Variants in DENND2C observed in about 807,000 individuals in gnomAD.
DENND2C encodes DENN domain-containing protein 2C.
DENND2C carries 72 observed loss-of-function variants against 112.4 expected under a neutral mutation model. The ratio of observed to expected loss-of-function variants is 0.64; its 90% CI spans 0.53 to 0.78. The LOEUF (loss-of-function observed/expected upper bound fraction) is 0.78, where lower values mean the gene tolerates loss of function less well. Among genes scored for constraint, DENND2C ranks in the 30% least tolerant of loss-of-function variants. The pLI is 0.00. For missense variants in DENND2C, 992 were observed against 1,113.8 expected, an observed-to-expected ratio of 0.89 and a Z score of 1.56; for synonymous variants, 329 against 381.6, an observed-to-expected ratio of 0.86 and a Z score of 1.61.
intron 2 of DENND2C, among the ~76,000 whole-genome samples, chr1:114,647,970 G>A (rs973353581): frequency 4.3e-4 from 66 of 151,972 alleles, no homozygotes; most frequent in African/African-American, 1.6e-3. Context: ...ACCATGCGCA[G>A]CTAATTTTTG....
At chr1:114,638,107 G>A (rs1656706286) in intron 3 of DENND2C, among the ~76,000 whole-genome samples, 1 of 152,158 alleles carries the variant, frequency 6.6e-6, no homozygotes, top group Non-Finnish European at 1.5e-5. Context: ...AAAAGGATCA[G>A]CAGAAGAGCA....
Position 114,625,236 on chromosome 1 carries a change from G to C in DENND2C, c.749C>G (p.Ser250Cys). ...TTTCTTTGGTTCAGGTTCCTGAGAA[G>C]AGGCCAAAGAAGATTGTGCACAAGA... Reference protein sequence around the residue: ...NNSCAQSSLASSQEPEPKKYG... With the variant: ...NNSCAQSSLACSQEPEPKKYG... Residue 250 changes from serine to cysteine, a missense_variant, in exon 4 of 21, where the codon TCT becomes TGT. Transcript: ENST00000393274. The C allele has an allele frequency of 1.9e-6, 3 of 1,613,112 alleles. No homozygotes were observed. The highest frequency in any genetic ancestry group is 2.5e-6 in the Non-Finnish European group (3 of 1,179,772).
chr1:114,652,599 T>C (rs1445990086), intron 2 of DENND2C, among the ~76,000 whole-genome samples: 1 of 151,916 alleles, frequency 6.6e-6, no homozygotes, highest in Non-Finnish European at 1.5e-5. Flanking sequence ...TGAAGTCTCT[T>C]ATATAAAATG....
chr1:114,625,325 TA>T lies in DENND2C; in HGVS notation c.659del (p.Leu220TyrfsTer148). On this transcript the variant is annotated frameshift_variant, in exon 4 of 21. Coordinates refer to ENST00000393274, the MANE Select transcript of DENND2C (RefSeq NM_001256404.2). LOFTEE classifies it high-confidence loss of function. ...LPKPRRTFRY[L>X]SESGVTPYKE... ...TATACGGCGTAACACCAGATTCGGA[TA>T]AATATCTGAATGTCCTACGAGGTTT... 6.2e-7 allele frequency: 1 copy of T among 1,614,208 alleles called. No homozygotes were observed. The highest frequency in any genetic ancestry group is 8.5e-7 in the Non-Finnish European group (1 of 1,180,024).
chr1:114,642,238 A>G (rs1270748537), intron 3 of DENND2C, among the ~76,000 whole-genome samples: 3 of 152,208 alleles, frequency 2.0e-5, no homozygotes, highest in African/African-American at 7.2e-5. Flanking sequence ...GGTGTGAGCC[A>G]CCGCGCCCAG....
chr1:114,625,994 T>TGG lies in DENND2C; in HGVS notation c.-12_-11dup, dbSNP rs1436092674. 5.0e-6 allele frequency: 8 copies of TGG among 1,596,978 alleles called. No homozygotes were observed. The South Asian group carries it at 9.0e-5, about 18-fold the overall frequency. On this transcript the variant is annotated 5_prime_UTR_variant, in exon 4 of 21. Coordinates refer to ENST00000393274, the MANE Select transcript of DENND2C (RefSeq NM_001256404.2). The stretch of plus-strand genomic sequence containing the variant: ...AAAAACCAACATCCATGTTCCCAAC[T>TGG]GGGTGAATGACAAGTGATGAATCTT...
intron 1 of DENND2C, among the ~76,000 whole-genome samples, chr1:114,656,563 A>AT (rs1178055163): frequency 5.3e-5 from 8 of 150,620 alleles, no homozygotes; most frequent in Middle Eastern, 6.9e-3. Context: ...CGCCCAGCTC[A>AT]TTTTTTGTAT....
Position 114,611,844 on chromosome 1 carries a change from T to C in DENND2C, c.1325-727A>G, listed in dbSNP as rs375539572. On this transcript the variant is annotated intron_variant, in intron 8 of 20. Transcript: ENST00000393274. ...AGCAGCTTTTAAAATAAAACATTTC[T>C]AGATTAAGTTTGAAAAGTTAAAGCA... Among the ~76,000 whole-genome samples, 193 of 151,378 alleles carry C rather than the reference T, an allele frequency of 1.3e-3. 1 individual carries two copies. The highest frequency in any genetic ancestry group is 4.3e-3 in the African/African-American group (178 of 41,180).
At chr1:114,588,673 A>T (rs1655107408) in intron 18 of DENND2C, 1 of 152,246 alleles carries the variant, frequency 6.6e-6, no homozygotes, top group South Asian at 2.1e-4. Flanking sequence ...TCAATTAAAC[A>T]AACAATACAT....
chr1:114,585,693 A>C (rs1655021177), intron 20 of DENND2C, 62 bp from the exon 21 acceptor site: 2 of 1,548,524 alleles, frequency 1.3e-6, no homozygotes, highest in Non-Finnish European at 1.8e-6. Context: ...ACATTATTTG[A>C]GGTAAGGGAT....
At chr1:114,629,142 T>C (rs933286352) in intron 3 of DENND2C, among the ~76,000 whole-genome samples, 2 of 152,190 alleles carry the variant, frequency 1.3e-5, no homozygotes, top group African/African-American at 4.8e-5. Context: ...TTAAAAACTA[T>C]TGAAGTCAGG....
At chr1:114,652,558 ACCT>A (rs757509511) in intron 2 of DENND2C, among the ~76,000 whole-genome samples, 1 of 151,270 alleles carries the variant, frequency 6.6e-6, no homozygotes, top group Non-Finnish European at 1.5e-5. Context: ...TGGTTCCAGG[ACCT>A]CCTTCGGATA....
chr1:114,596,096 G>C (rs1655333719), intron 16 of DENND2C, among the ~76,000 whole-genome samples: 1 of 152,210 alleles, frequency 6.6e-6, no homozygotes, highest in African/African-American at 2.4e-5. Context: ...TGTGGGGCCA[G>C]GCACGGTGGC....
At chr1:114,611,259 G>T in intron 8 of DENND2C, 142 bp from the exon 9 acceptor site, 3 of 865,626 alleles carry the variant, frequency 3.5e-6, no homozygotes, top group Middle Eastern at 2.3e-4. Flanking sequence ...CCACTTGGTT[G>T]TATCAAGTTG....
chr1:114,617,671 C>T (rs61811021), intron 8 of DENND2C, among the ~76,000 whole-genome samples: 2 of 150,060 alleles, frequency 1.3e-5, no homozygotes, highest in East Asian at 3.9e-4. Context: ...AAAAAAAAAC[C>T]AGATAAATCA....
chr1:114,608,871 G>T lies in DENND2C; in HGVS notation c.1372C>A (p.Arg458Ser). ...TGCAGTTGTGCTAAGCGTTTATGGC[G>T]ATCTGTAATGAAATCATGGAGAAAT... Reference protein sequence around the residue: ...ESDAEYLPKNRHKRLAQLQPS... With the variant: ...ESDAEYLPKNSHKRLAQLQPS... Residue 458 changes from arginine (R) to serine (S), a missense_variant and splice_region_variant, in exon 10 of 21, where the codon CGC becomes AGC. Arg to Ser is a moderately radical substitution (Grantham distance 110). This residue lies in a region of DENND2C where 516 missense variants were observed against 623.6 expected (regional missense o/e 0.83). Transcript: ENST00000393274. The T allele has an allele frequency of 3.1e-6, 5 of 1,613,972 alleles. No individual in the cohort carries two copies. The highest frequency in any genetic ancestry group is 4.2e-6 in the Non-Finnish European group (5 of 1,179,988).
intron 1 of DENND2C, among the ~76,000 whole-genome samples, chr1:114,662,379 G>T (rs1657520558): frequency 6.6e-6 from 1 of 152,028 alleles, no homozygotes; most frequent in Non-Finnish European, 1.5e-5. Context: ...CCACCAATCT[G>T]TCCCTGAATT....
chr1:114,623,716 ATTT>A (rs1211508224), intron 4 of DENND2C, 73 bp from the exon 5 acceptor site: 12 of 1,090,762 alleles, frequency 1.1e-5, no homozygotes, highest in Non-Finnish European at 1.4e-5. Context: ...ATTTTTATTT[ATTT>A]ATTTGTTTGA....
rs1655983411 is a variant in DENND2C, at chr1:114,616,799, GAGCC to G, written c.1324+1583_1324+1586del. On this transcript the variant is annotated intron_variant, in intron 8 of 20. Transcript: ENST00000393274. ...GAACCCAGGAGATAAAGGTTGCACT[GAGCC>G]GAGATCATGCCATTGCACTCCAGCC... Among the ~76,000 whole-genome samples, 5 of 152,234 alleles carry G rather than the reference GAGCC, an allele frequency of 3.3e-5. No homozygotes were observed. In the South Asian group the frequency reaches 1.0e-3, roughly 32 times the overall value.
Sources: gnomAD v4.1 joint callset for allele counts (sites outside exome capture counted in the v4.1 genomes callset) on GRCh38, gnomAD v4.1.1 for gene constraint, gnomAD v4.1.1 regional missense constraint, MANE v1.5 for transcripts, NCBI Gene and HGNC (gene_info 2026-07-23, HGNC 2026-07-21) for gene names.